LIN7A: variants seen among roughly 807,000 people sequenced by gnomAD.
The protein encoded by LIN7A is lin-7 cell polarity scaffold A, also known as protein lin-7 homolog A.
Under a neutral mutation model 29.8 loss-of-function variants are expected in LIN7A, and 25 were observed. The ratio of observed to expected loss-of-function variants is 0.84; its 90% confidence interval spans 0.61 to 1.17. The LOEUF (loss-of-function observed/expected upper bound fraction) is 1.17, where lower values mean the gene tolerates loss of function less well. Among genes scored for constraint, LIN7A ranks in the 50% most tolerant of loss-of-function variants. The probability of loss-of-function intolerance (pLI) is 0.00; values close to 1 mark genes in which losing one functional copy is unlikely to be tolerated. For missense variants in LIN7A, 239 were observed against 287.0 expected, an observed-to-expected ratio of 0.83 and a Z score of 1.21; for synonymous variants, 118 against 107.5, an observed-to-expected ratio of 1.10 and a Z score of -0.60.
intron 2 of LIN7A, among the ~76,000 whole-genome samples, chr12:80,887,479 A>G (rs773716798): frequency 2.6e-5 from 4 of 152,054 alleles, no homozygotes. Flanking sequence ...CTCTCCAGCT[A>G]CCTCTATGGA....
intron 4 of LIN7A, among the ~76,000 whole-genome samples, chr12:80,837,682 G>A (rs1279898076): frequency 6.6e-6 from 1 of 152,116 alleles, no homozygotes; most frequent in Admixed American, 6.6e-5. Flanking sequence ...ATTTGTTATA[G>A]CAGCCATAGG....
At position 80,793,847 on chromosome 12, in the gene LIN7A, C is replaced by A. The variant is rs1446609930; in HGVS notation, c.*3880G>T. On this transcript the variant is annotated 3_prime_UTR_variant, in exon 6 of 6. Transcript: ENST00000552864. Reference sequence around the variant, plus strand: ...TCTTTTTATATAAAAATGAAAATATCTTTTATAAAATTTAAAAATGGGGTT... The same window carrying A: ...TCTTTTTATATAAAAATGAAAATATATTTTATAAAATTTAAAAATGGGGTT... The A allele has an allele frequency of 6.6e-6, 1 of 152,076 alleles. No homozygotes were observed. 9.4% of individuals were successfully genotyped at this position (152,076 alleles called of 1,614,324 possible).
intron 1 of LIN7A, among the ~76,000 whole-genome samples, chr12:80,925,579 G>A (rs978374559): frequency 2.0e-5 from 3 of 152,062 alleles, no homozygotes; most frequent in South Asian, 2.1e-4. Context: ...CAACTTTATC[G>A]GGTCAGTGCT....
intron 5 of LIN7A, among the ~76,000 whole-genome samples, chr12:80,807,079 T>TTTTTTTGTTTTTTG (rs1555221370): frequency 2.3e-5 from 3 of 131,958 alleles, no homozygotes; most frequent in African/African-American, 8.7e-5. Flanking sequence ...TTTTTTTTTT[T>TTTTTTTGTTTTTTG]TTTTTTTTTT....
chr12:80,842,151 T>G (rs1344588522), intron 4 of LIN7A: 1 of 1,279,842 alleles, frequency 7.8e-7, no homozygotes, highest in Non-Finnish European at 1.0e-6. Context: ...AATCAATTGT[T>G]CAATTGCTGT....
At chr12:80,883,572 A>G (rs1332069030) in intron 2 of LIN7A, among the ~76,000 whole-genome samples, 1 of 152,154 alleles carries the variant, frequency 6.6e-6, no homozygotes, top group Non-Finnish European at 1.5e-5. Context: ...AACCTATCAA[A>G]ACACCATACT....
At chr12:80,853,980 C>T (rs1357462772) in intron 2 of LIN7A, among the ~76,000 whole-genome samples, 1 of 152,194 alleles carries the variant, frequency 6.6e-6, no homozygotes, top group East Asian at 1.9e-4. Context: ...AGGCATGAGC[C>T]ACTGTGCCCC....
intron 5 of LIN7A, among the ~76,000 whole-genome samples, chr12:80,799,371 G>A (rs1225687513): frequency 6.6e-6 from 1 of 152,116 alleles, no homozygotes; most frequent in Non-Finnish European, 1.5e-5. Flanking sequence ...GCAGAATAGT[G>A]CCTCCTCGTC....
intron 2 of LIN7A, among the ~76,000 whole-genome samples, chr12:80,870,944 C>G (rs556516402): frequency 6.6e-6 from 1 of 152,212 alleles, no homozygotes; most frequent in South Asian, 2.1e-4. Context: ...AGCAAAGATG[C>G]TAAGGAATTA....
Position 80,845,930 on chromosome 12 carries a change from C to T in LIN7A, c.283G>A (p.Ala95Thr). The T allele has an allele frequency of 1.3e-6, 2 of 1,543,916 alleles. No individual in the cohort carries two copies. Among genetic ancestry groups the T allele is most frequent in the Non-Finnish European group, 8.7e-7 (1 of 1,150,432 alleles). Residue 95 changes from alanine (A) to threonine (T), a missense_variant, in exon 4 of 6, where the codon GCA (alanine) becomes ACA (threonine). Physicochemically the swap from Ala to Thr is moderately conservative, Grantham distance 58 (BLOSUM62 0). Coordinates refer to ENST00000552864, the MANE Select transcript of LIN7A (RefSeq NM_004664.4). ...TGGCCTTCACTAGCTGCAAAAGCTG[C>T]AACTGTTGCCTGAAAAAAAAAAAAA... ...RARATAKATVAAFAASEGHSH... is the reference protein window; with the variant it reads ...RARATAKATVTAFAASEGHSH...
chr12:80,916,092 C>A (rs182947499), intron 1 of LIN7A, among the ~76,000 whole-genome samples: 1 of 152,290 alleles, frequency 6.6e-6, no homozygotes, highest in Admixed American at 6.5e-5. Flanking sequence ...AATTTGATCA[C>A]TTGTCATTAT....
chr12:80,832,697 G>A, intron 4 of LIN7A: 1 of 432,706 alleles, frequency 2.3e-6, no homozygotes, highest in South Asian at 1.7e-5. Context: ...CTACAAACAT[G>A]TTGATGCTAT....
intron 4 of LIN7A, among the ~76,000 whole-genome samples, chr12:80,814,528 C>T (rs1192294533): frequency 6.6e-6 from 1 of 152,006 alleles, no homozygotes; most frequent in East Asian, 1.9e-4. Flanking sequence ...TAGGCCAGAC[C>T]TTTAGAGGCC....
At chr12:80,807,592 T>C (rs557879406) in intron 5 of LIN7A, among the ~76,000 whole-genome samples, 1 of 152,182 alleles carries the variant, frequency 6.6e-6, no homozygotes, top group East Asian at 1.9e-4. Flanking sequence ...ATTAGGAGAA[T>C]TGGTATAAGT....
intron 1 of LIN7A, among the ~76,000 whole-genome samples, chr12:80,913,571 G>A (rs934483584): frequency 6.6e-6 from 1 of 152,186 alleles, no homozygotes; most frequent in Non-Finnish European, 1.5e-5. Context: ...CTAAAACAGC[G>A]AGGAATTCCT....
intron 1 of LIN7A, among the ~76,000 whole-genome samples, chr12:80,919,589 G>A (rs1320964003): frequency 6.6e-6 from 1 of 152,150 alleles, no homozygotes; most frequent in African/African-American, 2.4e-5. Flanking sequence ...CCATTACAAC[G>A]GGGAGAAGGA....
chr12:80,859,782 A>G (rs1272517269), intron 2 of LIN7A, among the ~76,000 whole-genome samples: 2 of 152,212 alleles, frequency 1.3e-5, no homozygotes, highest in Non-Finnish European at 2.9e-5. Context: ...ATAGATACAT[A>G]TAAGCAAGAA....
intron 1 of LIN7A, among the ~76,000 whole-genome samples, chr12:80,919,799 TC>T (rs1210897654): frequency 6.6e-6 from 1 of 152,090 alleles, no homozygotes; most frequent in Non-Finnish European, 1.5e-5. Context: ...AAAGGCAGGA[TC>T]CTGAGAAAGC....
At chr12:80,820,995 A>T (rs1300325893) in intron 4 of LIN7A, among the ~76,000 whole-genome samples, 2 of 152,194 alleles carry the variant, frequency 1.3e-5, no homozygotes, top group Non-Finnish European at 2.9e-5. Flanking sequence ...GCATTAGGAT[A>T]GGGAAAGGGT....
Sources: allele counts gnomAD v4.1 joint callset (sites outside exome capture counted in the v4.1 genomes callset), GRCh38; gene constraint gnomAD v4.1.1; transcripts MANE v1.5; gene names NCBI Gene and HGNC (gene_info 2026-07-23, HGNC 2026-07-21).